The following FYB2 variants were observed in gnomAD, a reference collection of about 807,000 sequenced individuals.
FYB2 encodes the protein FYN binding protein 2, also known as FYN-binding protein 2.
In FYB2, 103 loss-of-function variants were observed where a neutral mutation model predicts 94.1. The observed-to-expected ratio is 1.09, with a 90% CI of 0.93 to 1.29. The LOEUF (loss-of-function observed/expected upper bound fraction) is 1.29, where lower values mean the gene tolerates loss of function less well. Ranked by LOEUF, FYB2 falls within the 50% of genes most tolerant of loss-of-function variation. FYB2 has a pLI of 0.00. For synonymous variants in FYB2, 293 were observed against 287.9 expected (o/e 1.02, Z -0.18); for missense variants, 896 against 841.5 (o/e 1.06, Z -0.80).
At chr1:56,771,986 C>A (rs2100838185) in intron 4 of FYB2, among the ~76,000 whole-genome samples, 1 of 151,962 alleles carries the variant, frequency 6.6e-6, no homozygotes, top group Non-Finnish European at 1.5e-5. Context: ...TGTATATTCT[C>A]TGTAATAATT....
At chr1:56,762,287 A>G (rs577002624) in intron 5 of FYB2, among the ~76,000 whole-genome samples, 1 of 152,198 alleles carries the variant, frequency 6.6e-6, no homozygotes, top group East Asian at 1.9e-4. Context: ...TAGGAATTTT[A>G]TTAAACCTGT....
rs1049058621 is a variant in FYB2, at chr1:56,792,600, G to T, written c.213C>A (p.Ser71=). The stretch of plus-strand genomic sequence containing the variant: ...TTATTTTCTGAGGTTGAAGAGGCTG[G>T]GACTCACTACTGGAACAGTATGGTG... ...QRTPYCSSSE[S]QPLQPQKIKL... is the part of the protein sequence containing the mutation. The change falls in exon 2 of 20, where the codon TCC becomes TCA. Residue 71 remains serine (S), a synonymous_variant. Transcript: ENST00000343433. 6.2e-7 allele frequency: 1 copy of T among 1,614,058 alleles called. No homozygotes were observed. The highest frequency in any genetic ancestry group is 8.5e-7 in the Non-Finnish European group (1 of 1,180,000).
chr1:56,742,165 T>C lies in FYB2; in HGVS notation c.1600A>G (p.Ile534Val). The change falls in exon 12 of 20, where the codon ATA becomes GTA. Residue 534 changes from isoleucine to valine, a missense_variant. Coordinates refer to ENST00000343433, the MANE Select transcript of FYB2 (RefSeq NM_001004303.5). The part of the protein sequence containing the change: ...VYKTKNNYPK[I>V]DLDGKEALKR... ...CCAAGAAAGAGAGAAACTCACTCTA[T>C]CTTTGGGTAGTTGTTCTTTGTTTTG... is the stretch of plus-strand genomic sequence containing the variant. The C allele has an allele frequency of 1.9e-6, 3 of 1,605,058 alleles. No homozygotes were observed. Among genetic ancestry groups the C allele is most frequent in the Non-Finnish European group, 1.7e-6 (2 of 1,173,266 alleles).
chr1:56,811,701 A>G (rs530078939), intron 1 of FYB2, among the ~76,000 whole-genome samples: 1 of 152,230 alleles, frequency 6.6e-6, no homozygotes, highest in Non-Finnish European at 1.5e-5. Context: ...GAGACTCCCA[A>G]TCCAATGCTA....
chr1:56,729,006 C>G (rs1208127039), intron 15 of FYB2, among the ~76,000 whole-genome samples: 70 of 152,056 alleles, frequency 4.6e-4, no homozygotes, highest in Non-Finnish European at 2.9e-5. Context: ...CATATCCGGT[C>G]TAAGGAACTC....
chr1:56,796,524 A>C (rs1425787613), intron 1 of FYB2, among the ~76,000 whole-genome samples: 5 of 152,280 alleles, frequency 3.3e-5, no homozygotes, highest in Middle Eastern at 3.4e-3. Context: ...GTAATCCACC[A>C]TTTACTCAGC....
intron 16 of FYB2, among the ~76,000 whole-genome samples, chr1:56,725,534 G>C (rs972420236): frequency 2.0e-5 from 3 of 151,896 alleles, no homozygotes; most frequent in Non-Finnish European, 4.4e-5. Flanking sequence ...CTTTTTGGGG[G>C]GCAGATCAAA....
At chr1:56,737,670 C>T (rs951921883) in intron 14 of FYB2, 1 of 152,160 alleles carries the variant, frequency 6.6e-6, no homozygotes, top group Non-Finnish European at 1.5e-5. Flanking sequence ...AATAATTAGG[C>T]ATTTTCATTT....
chr1:56,805,207 T>C, intron 1 of FYB2, among the ~76,000 whole-genome samples: 1 of 152,196 alleles, frequency 6.6e-6, no homozygotes, highest in East Asian at 1.9e-4. Flanking sequence ...CACACCCCAC[T>C]CGCACATGTA....
intron 4 of FYB2, among the ~76,000 whole-genome samples, chr1:56,782,455 C>A (rs2100907801): frequency 6.6e-6 from 1 of 152,156 alleles, no homozygotes; most frequent in African/African-American, 2.4e-5. Flanking sequence ...TCCACAGGAT[C>A]AGCCACTCCC....
At chr1:56,755,184 A>G (rs1437292021) in intron 7 of FYB2, among the ~76,000 whole-genome samples, 2 of 152,136 alleles carry the variant, frequency 1.3e-5, no homozygotes, top group Admixed American at 6.6e-5. Flanking sequence ...AAGAAGTGTG[A>G]GAGGTACCAG....
chr1:56,755,917 T>C lies in FYB2; in HGVS notation c.1109A>G (p.Asn370Ser). 6.2e-7 allele frequency: 1 copy of C among 1,609,340 alleles called. No homozygotes were observed. Among genetic ancestry groups the C allele is most frequent in the Non-Finnish European group, 8.5e-7 (1 of 1,176,208 alleles). The change falls in exon 7 of 20, where the codon AAT becomes AGT. Residue 370 changes from asparagine to serine, a missense_variant. By Grantham distance (46) the Asn-to-Ser change is conservative. Coordinates refer to ENST00000343433, the MANE Select transcript of FYB2 (RefSeq NM_001004303.5). ...TCACCTAGGTTCTGGATAGGGAAAA[T>C]TCTTCCCAGGCTGAAAGTAAAGTGG... ...GIEELQKPGKNFPYPEPSAKH... is the reference protein window; with the variant it reads ...GIEELQKPGKSFPYPEPSAKH...
chr1:56,784,728 T>C (rs1296749213), intron 4 of FYB2, among the ~76,000 whole-genome samples: 1 of 152,168 alleles, frequency 6.6e-6, no homozygotes, highest in Admixed American at 6.6e-5. Context: ...ATCTCTATAA[T>C]AAAAATCCAT....
chr1:56,793,988 C>G (rs1388754543), intron 1 of FYB2, among the ~76,000 whole-genome samples: 1 of 152,136 alleles, frequency 6.6e-6, no homozygotes, highest in Non-Finnish European at 1.5e-5. Flanking sequence ...AATAAGTTGT[C>G]AAACAGTAGC....
chr1:56,797,652 G>A (rs527322746), intron 1 of FYB2, among the ~76,000 whole-genome samples: 1 of 152,124 alleles, frequency 6.6e-6, no homozygotes, highest in Non-Finnish European at 1.5e-5. Flanking sequence ...CTACGTGGTG[G>A]GTAGCAGCAT....
At chr1:56,760,239 A>G (rs1488774977) in intron 5 of FYB2, among the ~76,000 whole-genome samples, 1 of 152,214 alleles carries the variant, frequency 6.6e-6, no homozygotes, top group Non-Finnish European at 1.5e-5. Flanking sequence ...TGTGCATAAA[A>G]GGACTCCTCC....
chr1:56,801,603 G>A (rs556413779), intron 1 of FYB2, among the ~76,000 whole-genome samples: 4 of 152,096 alleles, frequency 2.6e-5, no homozygotes, highest in African/African-American at 4.8e-5. Context: ...TAAATGAACC[G>A]TCTCCACCAC....
intron 1 of FYB2, among the ~76,000 whole-genome samples, chr1:56,805,504 C>A (rs1460101019): frequency 1.3e-5 from 2 of 152,108 alleles, no homozygotes; most frequent in Non-Finnish European, 2.9e-5. Context: ...CTGAGCTGTG[C>A]CCCCTGAAGA....
intron 4 of FYB2, among the ~76,000 whole-genome samples, chr1:56,777,497 A>C (rs943227783): frequency 3.3e-5 from 5 of 152,232 alleles, no homozygotes; most frequent in African/African-American, 1.2e-4. Context: ...CTGCTTTTGA[A>C]GAATTTATAA....
Sources: allele counts gnomAD v4.1 joint callset (sites outside exome capture counted in the v4.1 genomes callset), GRCh38; gene constraint gnomAD v4.1.1; transcripts MANE v1.5; gene names NCBI Gene and HGNC (gene_info 2026-07-23, HGNC 2026-07-21).